IQCM: variants seen among roughly 807,000 people sequenced by gnomAD.
IQCM encodes IQ motif containing M.
A neutral mutation model predicts 57.6 loss-of-function variants in IQCM; 45 were observed. That is an observed-to-expected ratio of 0.78 (90% confidence interval 0.62 to 1.00). The LOEUF is 1.00. Ranked by LOEUF, IQCM falls within the 50% of genes least tolerant of loss-of-function variation. IQCM has a pLI of 0.00. For missense variants in IQCM, 468 were observed against 511.6 expected (o/e 0.91, Z 0.82); for synonymous variants, 148 against 158.9 (o/e 0.93, Z 0.51).
At chr4:149,428,707 A>C (rs1734622122) in intron 13 of IQCM, among the ~76,000 whole-genome samples, 1 of 151,874 alleles carries the variant, frequency 6.6e-6, no homozygotes, top group African/African-American at 2.4e-5. Flanking sequence ...GCAAATGTGT[A>C]TCAAGTCTTG....
At chr4:149,660,474 A>G (rs1579894621) in intron 7 of IQCM, among the ~76,000 whole-genome samples, 1 of 152,152 alleles carries the variant, frequency 6.6e-6, no homozygotes, top group African/African-American at 2.4e-5. Flanking sequence ...CAGCCATCCC[A>G]TTACTGGGTA....
At position 149,522,979 on chromosome 4, in the gene IQCM, A is replaced by G. The variant is rs1432966201; in HGVS notation, c.1228+25476T>C. On this transcript the variant is annotated intron_variant, in intron 12 of 13. Transcript: ENST00000636793. Reference sequence around the variant, plus strand: ...CAGACTACTATAACAAAAATACCACAGACTGAGTGGATTAAATGACAAATA... The same window carrying G: ...CAGACTACTATAACAAAAATACCACGGACTGAGTGGATTAAATGACAAATA... Among the ~76,000 whole-genome samples, 3 of 152,210 alleles carry G rather than the reference A, an allele frequency of 2.0e-5. No individual in the cohort carries two copies. In the East Asian group the frequency reaches 5.8e-4, roughly 29 times the overall value.
intron 2 of IQCM, among the ~76,000 whole-genome samples, chr4:149,789,754 T>A (rs1772410280): frequency 6.9e-6 from 1 of 145,828 alleles, no homozygotes. Context: ...TACAAAAAAA[T>A]TGCTGAGCAT....
intron 5 of IQCM, among the ~76,000 whole-genome samples, chr4:149,730,247 T>C (rs1419271327): frequency 6.6e-6 from 1 of 152,174 alleles, no homozygotes; most frequent in Non-Finnish European, 1.5e-5. Flanking sequence ...TCTACCTTTC[T>C]AATGTGTGTA....
intron 12 of IQCM, among the ~76,000 whole-genome samples, chr4:149,519,539 G>C (rs190310332): frequency 6.6e-6 from 1 of 151,918 alleles, no homozygotes; most frequent in East Asian, 2.0e-4. Flanking sequence ...GCTGAGGTAG[G>C]TGAATGGCAT....
chr4:149,679,600 T>C (rs937081018), intron 7 of IQCM, among the ~76,000 whole-genome samples: 23 of 151,470 alleles, frequency 1.5e-4, no homozygotes, highest in Admixed American at 1.5e-3. Context: ...ACAAATTACA[T>C]GAATGTATTA....
intron 8 of IQCM, among the ~76,000 whole-genome samples, chr4:149,609,345 A>AC (rs1387909822): frequency 6.6e-6 from 1 of 151,848 alleles, no homozygotes; most frequent in Non-Finnish European, 1.5e-5. Context: ...TACTCAAACT[A>AC]TTTTTTTAAA....
At chr4:149,382,443 G>A (rs1731142895) in intron 13 of IQCM, among the ~76,000 whole-genome samples, 1 of 152,132 alleles carries the variant, frequency 6.6e-6, no homozygotes, top group African/African-American at 2.4e-5. Flanking sequence ...CAGTGAAAGA[G>A]TTGTTTCCAT....
chr4:149,537,154 C>T (rs1023849042), intron 12 of IQCM, among the ~76,000 whole-genome samples: 10 of 151,618 alleles, frequency 6.6e-5, no homozygotes, highest in Non-Finnish European at 1.3e-4. Flanking sequence ...TTAGATTTAA[C>T]AGACAAAGAA....
At chr4:149,703,199 A>T (rs1042493916) in intron 5 of IQCM, among the ~76,000 whole-genome samples, 8 of 151,962 alleles carry the variant, frequency 5.3e-5, no homozygotes, top group Non-Finnish European at 1.5e-5. Context: ...CAGATAATTC[A>T]TACAACTTCT....
intron 12 of IQCM, among the ~76,000 whole-genome samples, chr4:149,543,130 T>C (rs1349804587): frequency 6.6e-6 from 1 of 152,148 alleles, no homozygotes; most frequent in Non-Finnish European, 1.5e-5. Flanking sequence ...TGATTAGTTA[T>C]ATTTGGCTGC....
chr4:149,547,356 T>G (rs1321663520), intron 12 of IQCM, among the ~76,000 whole-genome samples: 2 of 152,182 alleles, frequency 1.3e-5, no homozygotes, highest in African/African-American at 4.8e-5. Context: ...AAAGATGAAC[T>G]TGGAAGACAT....
chr4:149,423,648 C>T (rs980113670), intron 13 of IQCM, among the ~76,000 whole-genome samples: 4 of 152,040 alleles, frequency 2.6e-5, no homozygotes, highest in African/African-American at 9.7e-5. Context: ...GGTTGTTTTA[C>T]ATCACTCATC....
chr4:149,480,928 T>G (rs1307085910), intron 12 of IQCM, among the ~76,000 whole-genome samples: 3 of 152,150 alleles, frequency 2.0e-5, no homozygotes, highest in African/African-American at 7.2e-5. Context: ...TGTTATTGCC[T>G]GTCTTTGGAT....
chr4:149,750,793 G>C (rs1768364149), intron 2 of IQCM, among the ~76,000 whole-genome samples: 2 of 152,254 alleles, frequency 1.3e-5, no homozygotes, highest in South Asian at 4.1e-4. Flanking sequence ...AACAGTTAAA[G>C]ACAACAATGA....
chr4:149,761,296 A>G (rs773960141), intron 2 of IQCM, among the ~76,000 whole-genome samples: 24 of 152,138 alleles, frequency 1.6e-4, no homozygotes, highest in Admixed American at 4.6e-4. Flanking sequence ...CTAATAATAA[A>G]TAATCCAAAG....
intron 12 of IQCM, among the ~76,000 whole-genome samples, chr4:149,535,884 T>C (rs1270434292): frequency 6.6e-6 from 1 of 151,982 alleles, no homozygotes; most frequent in Admixed American, 6.6e-5. Flanking sequence ...TCCCAGAGGC[T>C]TTAATAGGCT....
intron 12 of IQCM, among the ~76,000 whole-genome samples, chr4:149,498,244 G>A (rs547509790): frequency 2.0e-4 from 31 of 152,180 alleles, no homozygotes; most frequent in African/African-American, 6.7e-4. Context: ...TGATGACCCA[G>A]CAAAAATGGG....
chr4:149,788,010 C>T lies in IQCM; in HGVS notation c.-49+27301G>A, dbSNP rs183970425. Among the ~76,000 whole-genome samples the T allele has an allele frequency of 1.7e-3, 259 of 152,244 alleles. 1 individual carries two copies. Among genetic ancestry groups the T allele is most frequent in the Admixed American group, 2.1e-3 (32 of 15,290 alleles). The stretch of plus-strand genomic sequence containing the variant: ...ACAAATAATCTCATTAAAAAGTTGG[C>T]AAAGGACGTGAATAGACATTTTTCA... On this transcript the variant is annotated intron_variant, in intron 2 of 13. Coordinates refer to ENST00000636793, the MANE Select transcript of IQCM (RefSeq NM_001363507.2).
Sources: allele counts gnomAD v4.1 joint callset (sites outside exome capture counted in the v4.1 genomes callset), GRCh38; gene constraint gnomAD v4.1.1; transcripts MANE v1.5; gene names NCBI Gene and HGNC (gene_info 2026-07-23, HGNC 2026-07-21).